The following SPATA17 variants were observed in gnomAD, a reference collection of about 807,000 sequenced individuals.
SPATA17 encodes spermatogenesis-associated protein 17.
Under a neutral mutation model 62.2 loss-of-function variants are expected in SPATA17, and 53 were observed. That is an observed-to-expected ratio of 0.85 (90% confidence interval 0.68 to 1.07). SPATA17 has a LOEUF of 1.07. SPATA17 is among the 50% of genes least tolerant of loss of function. The pLI, the probability that SPATA17 is intolerant of heterozygous loss-of-function variation, is 0.00. For missense variants in SPATA17, 466 were observed against 425.5 expected (o/e 1.10, Z -0.84); for synonymous variants, 146 against 146.8 (o/e 0.99, Z 0.04).
chr1:217,822,687 CTT>C (rs1274212380), intron 9 of SPATA17, among the ~76,000 whole-genome samples: 1 of 148,550 alleles, frequency 6.7e-6, no homozygotes, highest in Non-Finnish European at 1.5e-5. Flanking sequence ...TTCTTTGTCT[CTT>C]TTTGCTGATT....
intron 8 of SPATA17, among the ~76,000 whole-genome samples, chr1:217,800,396 A>G (rs1287451725): frequency 6.6e-6 from 1 of 152,184 alleles, no homozygotes; most frequent in Non-Finnish European, 1.5e-5. Context: ...GAGCAGGGAA[A>G]GAGTTCAATG....
At chr1:217,839,110 C>G (rs1675331196) in intron 9 of SPATA17, among the ~76,000 whole-genome samples, 1 of 151,946 alleles carries the variant, frequency 6.6e-6, no homozygotes, top group South Asian at 2.1e-4. Context: ...GCCCACTACT[C>G]AAATTGATTG....
At chr1:217,738,156 C>T (rs751956428) in intron 5 of SPATA17, among the ~76,000 whole-genome samples, 1 of 152,090 alleles carries the variant, frequency 6.6e-6, no homozygotes, top group South Asian at 2.1e-4. Context: ...CACAGGTTGT[C>T]TTCAGGTTTG....
intron 8 of SPATA17, among the ~76,000 whole-genome samples, chr1:217,789,598 A>G (rs1673951084): frequency 6.6e-6 from 1 of 152,200 alleles, no homozygotes; most frequent in African/African-American, 2.4e-5. Context: ...CTACAGGCAA[A>G]ATCATAAATC....
At chr1:217,858,691 C>G (rs1196634358) in intron 9 of SPATA17, among the ~76,000 whole-genome samples, 1 of 149,374 alleles carries the variant, frequency 6.7e-6, no homozygotes, top group African/African-American at 2.4e-5. Flanking sequence ...AGTTCAAGGC[C>G]AGCCTGGGCG....
At chr1:217,852,945 T>A (rs916380625) in intron 9 of SPATA17, among the ~76,000 whole-genome samples, 2 of 152,126 alleles carry the variant, frequency 1.3e-5, no homozygotes, top group Admixed American at 6.6e-5. Flanking sequence ...TCACAGCACT[T>A]ATTATCATAT....
intron 9 of SPATA17, among the ~76,000 whole-genome samples, chr1:217,836,634 C>G (rs1231467376): frequency 6.6e-6 from 1 of 152,056 alleles, no homozygotes; most frequent in African/African-American, 2.4e-5. Flanking sequence ...CCCTAGTGGC[C>G]TATGGCTTCT....
chr1:217,698,520 C>T (rs577378433), intron 5 of SPATA17, among the ~76,000 whole-genome samples: 1 of 150,928 alleles, frequency 6.6e-6, no homozygotes, highest in Admixed American at 6.6e-5. Context: ...ATTTTCTTTC[C>T]TTTTAAAAAA....
intron 8 of SPATA17, among the ~76,000 whole-genome samples, chr1:217,795,358 GTC>G (rs370369100): frequency 7.7e-6 from 1 of 129,158 alleles, no homozygotes; most frequent in Non-Finnish European, 1.6e-5. Flanking sequence ...ACAGACAAAA[GTC>G]TCTTTTTTTT....
At chr1:217,792,866 G>A (rs1674032973) in intron 8 of SPATA17, among the ~76,000 whole-genome samples, 1 of 152,062 alleles carries the variant, frequency 6.6e-6, no homozygotes. Flanking sequence ...GCCCTGACTT[G>A]ATGGCTTCTG....
intron 9 of SPATA17, among the ~76,000 whole-genome samples, chr1:217,820,847 CG>C (rs140608989): frequency 0.03 from 4,489 of 151,964 alleles, 145 homozygotes; most frequent in African/African-American, 0.075. Flanking sequence ...TACCTGAAGC[CG>C]GGTAGTTTTT....
intron 9 of SPATA17, among the ~76,000 whole-genome samples, chr1:217,823,267 G>C (rs920225005): frequency 1.4e-5 from 2 of 142,472 alleles, no homozygotes; most frequent in Non-Finnish European, 3.2e-5. Flanking sequence ...TCGTGGTTAG[G>C]AACTCTCAGG....
At chr1:217,813,286 A>ACATT (rs1315655948) in intron 9 of SPATA17, among the ~76,000 whole-genome samples, 10 of 152,180 alleles carry the variant, frequency 6.6e-5, no homozygotes, top group African/African-American at 2.4e-4. Flanking sequence ...ATAATAATGA[A>ACATT]CATTCAGCTT....
intron 9 of SPATA17, among the ~76,000 whole-genome samples, chr1:217,844,765 G>A (rs1474037037): frequency 6.6e-6 from 1 of 151,988 alleles, no homozygotes; most frequent in Non-Finnish European, 1.5e-5. Context: ...ATATGTAAGT[G>A]ACAACTAGAG....
At chr1:217,838,962 C>T (rs946413234) in intron 9 of SPATA17, among the ~76,000 whole-genome samples, 1 of 151,962 alleles carries the variant, frequency 6.6e-6, no homozygotes, top group Non-Finnish European at 1.5e-5. Flanking sequence ...GTACATTAAC[C>T]AAGCCTCTCA....
chr1:217,701,074 A>G (rs1421639088), intron 5 of SPATA17, among the ~76,000 whole-genome samples: 2 of 151,642 alleles, frequency 1.3e-5, no homozygotes, highest in East Asian at 3.9e-4. Flanking sequence ...TCCTGGGTTG[A>G]AGTGATTCTT....
chr1:217,817,740 T>C (rs1393338305), intron 9 of SPATA17, among the ~76,000 whole-genome samples: 1 of 152,126 alleles, frequency 6.6e-6, no homozygotes, highest in African/African-American at 2.4e-5. Flanking sequence ...TACGTAAGTC[T>C]AATATTTTTC....
chr1:217,697,784 A>G (rs1468733552), intron 5 of SPATA17, among the ~76,000 whole-genome samples: 2 of 152,172 alleles, frequency 1.3e-5, no homozygotes, highest in African/African-American at 2.4e-5. Flanking sequence ...TATATTTCCT[A>G]TAATGGAAGA....
intron 1 of SPATA17, among the ~76,000 whole-genome samples, chr1:217,642,874 T>TATA (rs1286596973): frequency 6.6e-6 from 1 of 152,220 alleles, no homozygotes; most frequent in Non-Finnish European, 1.5e-5. Flanking sequence ...GTGTAGTATC[T>TATA]TTATAGCAGT....
Sources: gnomAD v4.1 joint callset for allele counts (sites outside exome capture counted in the v4.1 genomes callset) on GRCh38, gnomAD v4.1.1 for gene constraint, MANE v1.5 for transcripts, NCBI Gene and HGNC (gene_info 2026-07-23, HGNC 2026-07-21) for gene names.